Variants in ZNF514 observed in about 807,000 individuals in gnomAD.
The protein encoded by ZNF514 is zinc finger protein 514.
A neutral mutation model predicts 9.7 loss-of-function variants in ZNF514; 12 were observed. The observed-to-expected ratio is 1.24, with a 90% confidence interval of 0.79 to 2.01. ZNF514 has a LOEUF of 2.01. Ranked by LOEUF, ZNF514 falls within the 30% of genes most tolerant of loss-of-function variation. The pLI, the probability that ZNF514 is intolerant of heterozygous loss-of-function variation, is 0.00. For synonymous variants in ZNF514, 158 were observed against 163.7 expected (o/e 0.97, Z 0.27); for missense variants, 467 against 465.5 (o/e 1.00, Z -0.03).
the ZNF514 span, among the ~76,000 whole-genome samples, chr2:95,134,959 A>C: frequency 6.6e-6 from 1 of 152,178 alleles, no homozygotes; most frequent in East Asian, 1.9e-4. Flanking sequence ...TATATCCATA[A>C]TTTTACCAGT....
At chr2:95,125,982 T>C in the ZNF514 span, among the ~76,000 whole-genome samples, 11 of 152,202 alleles carry the variant, frequency 7.2e-5, no homozygotes, top group Non-Finnish European at 4.4e-5. Flanking sequence ...ATCCATCATG[T>C]ACATGATTTT....
chr2:95,135,240 A>G, the ZNF514 span, among the ~76,000 whole-genome samples: 2 of 152,018 alleles, frequency 1.3e-5, no homozygotes, highest in East Asian at 1.9e-4. Flanking sequence ...ATGTTTTTTC[A>G]TTTATTTATA....
chr2:95,139,677 G>A, the ZNF514 span, among the ~76,000 whole-genome samples: 1 of 151,940 alleles, frequency 6.6e-6, no homozygotes, highest in African/African-American at 2.4e-5. Context: ...TCAGACTTTT[G>A]AGTTAACTCT....
chr2:95,134,910 G>A, the ZNF514 span, among the ~76,000 whole-genome samples: 5 of 152,234 alleles, frequency 3.3e-5, no homozygotes, highest in South Asian at 8.3e-4. Context: ...TAGACACATA[G>A]GTTTATTTCT....
Position 95,149,914 on chromosome 2 carries a change from C to A in ZNF514, c.571G>T (p.Gly191Ter). ...CDTEFRQTLGGNNSQRTHPEK... is the reference protein window; with the variant it reads ...CDTEFRQTLG ...GGGTGGGTTCTCTGAGAGTTGTTTC[C>A]CCCTAAAGTCTGCCTGAATTCTGTA... is the stretch of plus-strand genomic sequence containing the variant. The change falls in exon 5 of 5, where the codon GGA (glycine) becomes TGA (stop). Residue 191 changes from glycine to a stop codon, truncating the protein, a stop_gained. Transcript: ENST00000295208. LOFTEE classifies it low-confidence loss of function (END_TRUNC). The A allele has an allele frequency of 6.2e-7, 1 of 1,614,158 alleles. No individual in the cohort carries two copies. Among genetic ancestry groups the A allele is most frequent in the Non-Finnish European group, 8.5e-7 (1 of 1,180,020 alleles).
At chr2:95,131,405 T>C in the ZNF514 span, among the ~76,000 whole-genome samples, 1 of 152,092 alleles carries the variant, frequency 6.6e-6, no homozygotes, top group Non-Finnish European at 1.5e-5. Context: ...GAACCAGGAG[T>C]TATCTCTCCC....
chr2:95,141,013 C>T (rs1328977108), downstream of ZNF514, among the ~76,000 whole-genome samples: 4 of 151,338 alleles, frequency 2.6e-5, no homozygotes, highest in South Asian at 2.1e-4. Context: ...ATACAACAGA[C>T]GGACTTCAGG....
intron 2 of ZNF514, among the ~76,000 whole-genome samples, chr2:95,156,287 G>A (rs1673684222): frequency 3.9e-5 from 6 of 152,150 alleles, no homozygotes; most frequent in Admixed American, 3.9e-4. Flanking sequence ...CAGCTCACTA[G>A]AGACAAACCT....
the ZNF514 span, among the ~76,000 whole-genome samples, chr2:95,137,006 T>C: frequency 1.3e-5 from 2 of 152,148 alleles, no homozygotes; most frequent in African/African-American, 2.4e-5. Context: ...TAACCTCAGA[T>C]AGAACCCTCT....
intron 4 of ZNF514, 128 bp from the exon 5 acceptor site, chr2:95,150,395 C>G (rs1230410752): frequency 5.8e-6 from 6 of 1,027,810 alleles, no homozygotes; most frequent in African/African-American, 1.6e-5. Context: ...AAGGGACGTA[C>G]AGATTTTTTC....
the ZNF514 span, among the ~76,000 whole-genome samples, chr2:95,126,035 G>A: frequency 6.6e-6 from 1 of 152,182 alleles, no homozygotes; most frequent in Non-Finnish European, 1.5e-5. Flanking sequence ...ATGTCAAGCT[G>A]TGAGATTATT....
At position 95,152,040 on chromosome 2, in the gene ZNF514, G is replaced by A. The variant is rs374706472; in HGVS notation, c.217+634C>T. Among the ~76,000 whole-genome samples the A allele has an allele frequency of 3.3e-4, 50 of 152,286 alleles. No homozygotes were observed. The Middle Eastern group carries it at 0.014, about 41-fold the overall frequency. ...GAAATGAACTGGCATAGACTGTCAC[G>A]TGCCTCCAGTGTGCTTGGGTTACAC... On this transcript the variant is annotated intron_variant, in intron 4 of 4. Coordinates refer to ENST00000295208, the MANE Select transcript of ZNF514 (RefSeq NM_032788.3).
downstream of ZNF514, among the ~76,000 whole-genome samples, chr2:95,140,167 A>G (rs973263271): frequency 3.9e-5 from 6 of 152,180 alleles, no homozygotes; most frequent in Non-Finnish European, 5.9e-5. Flanking sequence ...TAGCATTAGG[A>G]GAAATACCTA....
chr2:95,129,402 G>A, the ZNF514 span, among the ~76,000 whole-genome samples: 6 of 152,088 alleles, frequency 3.9e-5, no homozygotes, highest in African/African-American at 1.4e-4. Flanking sequence ...CTCCATTCTC[G>A]ACAGGTGTGA....
the ZNF514 span, among the ~76,000 whole-genome samples, chr2:95,132,522 G>A: frequency 6.6e-6 from 1 of 152,058 alleles, no homozygotes; most frequent in African/African-American, 2.4e-5. Flanking sequence ...ATTGCTGGTG[G>A]GGACATAAAA....
intron 3 of ZNF514, 97 bp from the exon 4 acceptor site, chr2:95,152,866 A>G: frequency 5.0e-6 from 6 of 1,196,326 alleles, no homozygotes; most frequent in Non-Finnish European, 6.2e-6. Context: ...TAGGCATGGA[A>G]AGCCTCCAGA....
At chr2:95,124,023 A>G in the ZNF514 span, among the ~76,000 whole-genome samples, 4,410 of 152,310 alleles carry the variant, frequency 0.029, 230 homozygotes, top group African/African-American at 0.1. Flanking sequence ...GGAAGCTGAC[A>G]TCGGTACAAT....
the ZNF514 span, among the ~76,000 whole-genome samples, chr2:95,128,084 CA>C: frequency 6.6e-6 from 1 of 151,852 alleles, no homozygotes; most frequent in Admixed American, 6.6e-5. Flanking sequence ...CCCACCTCTA[CA>C]AAAAGTTTTT....
rs1673720237 is a variant in ZNF514 at position 95,157,494 on chromosome 2, C to G, written c.-95-55G>C. ...GCTGACCCAGCCAGCACACACAGCT[C>G]TCAGACTTCCCAAGCCTGAGACCCA... On this transcript the variant is annotated intron_variant, in intron 1 of 4. Transcript: ENST00000295208. The G allele has an allele frequency of 4.7e-6, 5 of 1,065,240 alleles. No homozygotes were observed. The South Asian group carries it at 6.5e-5, about 14-fold the overall frequency. The allele number at this position is 1,065,240 out of a possible 1,614,324, so 66.0% of individuals were successfully genotyped here.
Sources: gnomAD v4.1 joint callset for allele counts (sites outside exome capture counted in the v4.1 genomes callset) on GRCh38, gnomAD v4.1.1 for gene constraint, MANE v1.5 for transcripts, NCBI Gene and HGNC (gene_info 2026-07-23, HGNC 2026-07-21) for gene names.